The following TTLL5 variants were observed in gnomAD, a reference collection of about 807,000 sequenced individuals.
TTLL5 encodes tubulin tyrosine ligase like 5, also known as tubulin polyglutamylase TTLL5.
A neutral mutation model predicts 168.4 loss-of-function variants in TTLL5; 132 were observed. That is an observed-to-expected ratio of 0.78 (90% CI 0.68 to 0.91). The LOEUF (loss-of-function observed/expected upper bound fraction) is 0.91, where lower values mean the gene tolerates loss of function less well. Among genes scored for constraint, TTLL5 ranks in the 40% least tolerant of loss-of-function variants. TTLL5 has a pLI of 0.00. For missense variants in TTLL5, 1,545 were observed against 1,581.5 expected (o/e 0.98, Z 0.39); for synonymous variants, 546 against 558.6 (o/e 0.98, Z 0.32).
intron 28 of TTLL5, 31 bp from the exon 29 acceptor site, chr14:75,863,636 C>G: frequency 6.4e-7 from 1 of 1,571,146 alleles, no homozygotes; most frequent in East Asian, 2.3e-5. Flanking sequence ...CAGCCACTCA[C>G]TCTAAGAAAC....
chr14:75,688,917 T>G (rs1885259237), intron 5 of TTLL5, among the ~76,000 whole-genome samples: 1 of 152,206 alleles, frequency 6.6e-6, no homozygotes, highest in Non-Finnish European at 1.5e-5. Flanking sequence ...ACATATGTGG[T>G]GATTGTAAAA....
intron 28 of TTLL5, among the ~76,000 whole-genome samples, chr14:75,850,245 A>G (rs1372722019): frequency 6.6e-6 from 1 of 151,912 alleles, no homozygotes; most frequent in Non-Finnish European, 1.5e-5. Flanking sequence ...CGTCTCTACT[A>G]AAAATACAAA....
intron 31 of TTLL5, among the ~76,000 whole-genome samples, chr14:75,939,283 G>T (rs1034347383): frequency 6.6e-6 from 1 of 152,230 alleles, no homozygotes; most frequent in African/African-American, 2.4e-5. Flanking sequence ...CATAAAGATG[G>T]TTGTGCATTC....
intron 2 of TTLL5, among the ~76,000 whole-genome samples, chr14:75,665,276 C>T (rs941192366): frequency 7.2e-5 from 11 of 152,132 alleles, no homozygotes; most frequent in African/African-American, 2.7e-4. Context: ...ATTTTGTTTT[C>T]TAAAGACAAC....
At chr14:75,949,339 A>G (rs1042672003) in intron 31 of TTLL5, among the ~76,000 whole-genome samples, 11 of 149,370 alleles carry the variant, frequency 7.4e-5, no homozygotes, top group African/African-American at 2.7e-4. Context: ...TTACCAAGAG[A>G]CGCTTTAAGA....
At chr14:75,715,157 C>A (rs1887344420) in intron 9 of TTLL5, among the ~76,000 whole-genome samples, 9 of 152,046 alleles carry the variant, frequency 5.9e-5, no homozygotes, top group Admixed American at 2.0e-4. Flanking sequence ...GCCACTGTCC[C>A]ATTCAGATGC....
At chr14:75,870,404 G>A (rs1317622794) in intron 29 of TTLL5, among the ~76,000 whole-genome samples, 1 of 151,616 alleles carries the variant, frequency 6.6e-6, no homozygotes, top group Non-Finnish European at 1.5e-5. Context: ...CACCACGCCC[G>A]GCCTCTCCTC....
At chr14:75,706,988 A>G (rs1282202257) in intron 7 of TTLL5, 30 bp from the exon 8 acceptor site, 1 of 1,534,088 alleles carries the variant, frequency 6.5e-7, no homozygotes, top group Non-Finnish European at 9.0e-7. Context: ...GTGTATTTCT[A>G]TTCTTTCATT....
At chr14:75,837,004 G>T (rs184548698) in intron 28 of TTLL5, 1 of 152,132 alleles carries the variant, frequency 6.6e-6, no homozygotes, top group African/African-American at 2.4e-5. Flanking sequence ...ACATTTAGTG[G>T]CTTAAAATAA....
chr14:75,937,762 T>C (rs1389383643), intron 31 of TTLL5, among the ~76,000 whole-genome samples: 2 of 152,254 alleles, frequency 1.3e-5, no homozygotes, highest in African/African-American at 4.8e-5. Flanking sequence ...CAGCAATCAA[T>C]GGACACTTGA....
intron 14 of TTLL5, among the ~76,000 whole-genome samples, chr14:75,734,538 T>G (rs911349905): frequency 2.0e-5 from 3 of 151,400 alleles, no homozygotes; most frequent in Non-Finnish European, 2.9e-5. Flanking sequence ...GGCTTGTTGG[T>G]TTTTTTTTAG....
chr14:75,717,758 A>G, intron 9 of TTLL5, 103 bp from the exon 10 acceptor site: 1 of 1,060,596 alleles, frequency 9.4e-7, no homozygotes, highest in South Asian at 1.5e-5. Flanking sequence ...TTTGTTAGGT[A>G]ATGATATTAC....
At chr14:75,819,742 GT>G (rs1364996305) in intron 27 of TTLL5, among the ~76,000 whole-genome samples, 2 of 152,274 alleles carry the variant, frequency 1.3e-5, no homozygotes, top group African/African-American at 4.8e-5. Flanking sequence ...ATCCGTCTTT[GT>G]TTTTCATAGA....
At chr14:75,665,833 C>T (rs1362673094) in intron 2 of TTLL5, among the ~76,000 whole-genome samples, 2 of 152,182 alleles carry the variant, frequency 1.3e-5, no homozygotes, top group Non-Finnish European at 2.9e-5. Flanking sequence ...GCCTGGGAGA[C>T]AGAGTGAGAC....
chr14:75,732,275 A>C, intron 12 of TTLL5, 63 bp from the exon 13 acceptor site: 26 of 1,469,690 alleles, frequency 1.8e-5, no homozygotes, highest in Non-Finnish European at 2.4e-5. Flanking sequence ...TGAGTCTTCT[A>C]GATCTTTGTG....
chr14:75,824,604 A>G (rs750669035), intron 28 of TTLL5, among the ~76,000 whole-genome samples: 28 of 152,278 alleles, frequency 1.8e-4, no homozygotes, highest in Admixed American at 5.2e-4. Context: ...TTTAATGGGT[A>G]TAGAGTTTCA....
chr14:75,725,121 C>T lies in TTLL5; in HGVS notation c.1042+4418C>T, dbSNP rs1888110338. Reference sequence around the variant, plus strand: ...CGTGTTTGCTCCGCACCAGCCATGCCCAGTACACCTCTGTGTTGACGATAC... The same window carrying T: ...CGTGTTTGCTCCGCACCAGCCATGCTCAGTACACCTCTGTGTTGACGATAC... On this transcript the variant is annotated intron_variant, in intron 12 of 31. Transcript: ENST00000298832. Among the ~76,000 whole-genome samples, 3 of 152,174 alleles carry T rather than the reference C, an allele frequency of 2.0e-5. No individual in the cohort carries two copies. In the South Asian group the frequency reaches 6.2e-4, roughly 32 times the overall value.
intron 27 of TTLL5, 84 bp downstream of exon 27, chr14:75,793,184 A>C: frequency 1.5e-6 from 2 of 1,339,128 alleles, no homozygotes; most frequent in African/African-American, 1.4e-5. Flanking sequence ...CCCTGTCTTT[A>C]CTATTCCCAT....
chr14:75,888,175 CTG>C (rs574502579), intron 30 of TTLL5, among the ~76,000 whole-genome samples: 61 of 152,262 alleles, frequency 4.0e-4, no homozygotes, highest in African/African-American at 1.4e-3. Context: ...TAGGAGGTCT[CTG>C]GGGTTGCTTT....
Sources: gnomAD v4.1 joint callset for allele counts (sites outside exome capture counted in the v4.1 genomes callset) on GRCh38, gnomAD v4.1.1 for gene constraint, MANE v1.5 for transcripts, NCBI Gene and HGNC (gene_info 2026-07-23, HGNC 2026-07-21) for gene names.